DAB1: variants seen among roughly 807,000 people sequenced by gnomAD.
The protein encoded by DAB1 is disabled homolog 1.
Under a neutral mutation model 64.6 loss-of-function variants are expected in DAB1, and 15 were observed. That is an observed-to-expected ratio of 0.23 (90% CI 0.16 to 0.36). The LOEUF is 0.36. Ranked by LOEUF, DAB1 falls within the 10% of genes least tolerant of loss-of-function variation. The probability of loss-of-function intolerance (pLI) is 1.00; values close to 1 mark genes in which losing one functional copy is unlikely to be tolerated. For missense variants in DAB1, 596 were observed against 706.7 expected, an observed-to-expected ratio of 0.84 and a Z score of 1.78; for synonymous variants, 235 against 251.9, an observed-to-expected ratio of 0.93 and a Z score of 0.64.
At chr1:57,906,914 T>A (rs976618785) in intron 5 of DAB1, among the ~76,000 whole-genome samples, 1 of 150,956 alleles carries the variant, frequency 6.6e-6, no homozygotes. Context: ...CAGACACACA[T>A]ATAAAAATAA....
At chr1:57,202,472 G>A (rs1244337956) in intron 2 of DAB1, among the ~76,000 whole-genome samples, 1 of 152,144 alleles carries the variant, frequency 6.6e-6, no homozygotes, top group African/African-American at 2.4e-5. Context: ...CTGTAACTAA[G>A]ATCCGTTTAC....
chr1:57,670,205 T>C (rs1358879135), intron 6 of DAB1, among the ~76,000 whole-genome samples: 1 of 152,154 alleles, frequency 6.6e-6, no homozygotes, highest in Non-Finnish European at 1.5e-5. Context: ...ATCTATAATT[T>C]TGCAATAATG....
At chr1:57,985,120 C>T (rs190936399) in intron 5 of DAB1, among the ~76,000 whole-genome samples, 4 of 152,160 alleles carry the variant, frequency 2.6e-5, no homozygotes, top group African/African-American at 9.7e-5. Context: ...TTTGACCAGG[C>T]TGATCTCAAA....
chr1:57,569,074 C>T lies in DAB1; in HGVS notation n.625+80518G>A, dbSNP rs567747260. On this transcript the variant is annotated intron_variant and non_coding_transcript_variant, in intron 7 of 20. Coordinates refer to the DAB1 transcript ENST00000485760. ...GAGATCGAGACCATCCTGGCTAACA[C>T]GGTGAAACCCCGTCTCTACTAAAAA... Among the ~76,000 whole-genome samples the T allele has an allele frequency of 3.3e-4, 50 of 150,370 alleles. No individual in the cohort carries two copies. In the South Asian group the frequency reaches 5.1e-3, roughly 15 times the overall value.
At chr1:57,753,382 C>T (rs888699109) in intron 6 of DAB1, among the ~76,000 whole-genome samples, 1 of 152,132 alleles carries the variant, frequency 6.6e-6, no homozygotes, top group Non-Finnish European at 1.5e-5. Flanking sequence ...TGGCTGACCC[C>T]TCTGAGGAAG....
At chr1:58,090,455 C>G (rs370745800) in intron 5 of DAB1, among the ~76,000 whole-genome samples, 1 of 152,144 alleles carries the variant, frequency 6.6e-6, no homozygotes, top group African/African-American at 2.4e-5. Flanking sequence ...TATTTTTCTC[C>G]TCCGGGCCTA....
intron 6 of DAB1, among the ~76,000 whole-genome samples, chr1:57,733,374 G>T: frequency 6.6e-6 from 1 of 151,840 alleles, no homozygotes; most frequent in East Asian, 1.9e-4. Flanking sequence ...GGGATCTGTA[G>T]CTGTTTCATT....
chr1:57,996,030 G>A (rs777291219), intron 5 of DAB1, among the ~76,000 whole-genome samples: 1 of 152,064 alleles, frequency 6.6e-6, no homozygotes, highest in Non-Finnish European at 1.5e-5. Flanking sequence ...AGACCGAGGC[G>A]GGCGGATCAC....
intron 4 of DAB1, among the ~76,000 whole-genome samples, chr1:58,227,869 T>C (rs1180076746): frequency 6.6e-6 from 1 of 152,216 alleles, no homozygotes; most frequent in East Asian, 1.9e-4. Flanking sequence ...TTTCTGAGAT[T>C]TATTTCTGTT....
intron 3 of DAB1, among the ~76,000 whole-genome samples, chr1:58,471,944 C>A (rs558313467): frequency 5.8e-4 from 88 of 152,254 alleles, no homozygotes; most frequent in Non-Finnish European, 1.0e-3. Flanking sequence ...AATTCAAGAA[C>A]AGACTAATAC....
At chr1:58,282,745 T>A (rs1481939288) in intron 4 of DAB1, among the ~76,000 whole-genome samples, 1 of 152,160 alleles carries the variant, frequency 6.6e-6, no homozygotes, top group Non-Finnish European at 1.5e-5. Flanking sequence ...ATAAAAGACA[T>A]GCCATTCACT....
At chr1:58,518,223 G>GGGGAGAC (rs1557450011) in intron 2 of DAB1, among the ~76,000 whole-genome samples, 668 of 2,782 alleles carry the variant, frequency 0.24, 217 homozygotes, top group Non-Finnish European at 0.44. Context: ...AGAGGGGAGA[G>GGGGAGAC]GGGAGAGGGG....
Position 57,134,603 on chromosome 1 carries a change from T to C in DAB1, c.306+1940A>G, listed in dbSNP as rs370632710. Among the ~76,000 whole-genome samples, 8 of 147,754 alleles carry C rather than the reference T, an allele frequency of 5.4e-5. No individual in the cohort carries two copies. In the East Asian group the frequency reaches 7.9e-4, roughly 15 times the overall value. On this transcript the variant is annotated intron_variant, in intron 4 of 14. Transcript: ENST00000371236. ...AGTACCTAGCTGACAGAATAATTTGTACAACAAACCCTGTGACACAAGTTT... is the reference window on the plus strand; with the variant it reads ...AGTACCTAGCTGACAGAATAATTTGCACAACAAACCCTGTGACACAAGTTT...
intron 4 of DAB1, among the ~76,000 whole-genome samples, chr1:58,251,926 A>G (rs891100870): frequency 6.6e-6 from 1 of 152,184 alleles, no homozygotes; most frequent in Admixed American, 6.5e-5. Flanking sequence ...CCTGACCTCC[A>G]CAACCACAGC....
At chr1:57,410,592 C>T (rs1353413837) in intron 1 of DAB1, among the ~76,000 whole-genome samples, 2 of 152,182 alleles carry the variant, frequency 1.3e-5, no homozygotes, top group Non-Finnish European at 2.9e-5. Flanking sequence ...AGTCCAGTCC[C>T]CAAGTCCCCC....
At chr1:58,007,453 G>A (rs1349442895) in intron 5 of DAB1, among the ~76,000 whole-genome samples, 1 of 152,168 alleles carries the variant, frequency 6.6e-6, no homozygotes, top group African/African-American at 2.4e-5. Flanking sequence ...AACAGCCACA[G>A]ATGTAGACTT....
At chr1:57,990,081 C>T (rs1282256299) in intron 5 of DAB1, among the ~76,000 whole-genome samples, 2 of 152,096 alleles carry the variant, frequency 1.3e-5, no homozygotes, top group African/African-American at 2.4e-5. Context: ...CACTGAAAGA[C>T]TGCAGAGGGA....
intron 2 of DAB1, chr1:58,506,321 T>C (rs1206850994): frequency 1.6e-6 from 1 of 620,064 alleles, no homozygotes; most frequent in Admixed American, 2.8e-5. Flanking sequence ...AGTTTTAGGG[T>C]ACATGTGCAC....
intron 2 of DAB1, among the ~76,000 whole-genome samples, chr1:57,277,561 C>T (rs930035835): frequency 7.2e-5 from 11 of 152,140 alleles, no homozygotes; most frequent in African/African-American, 2.7e-4. Context: ...CATCAAGCTA[C>T]CTTTCATAAG....
Sources: gnomAD v4.1 joint callset for allele counts (sites outside exome capture counted in the v4.1 genomes callset) on GRCh38, gnomAD v4.1.1 for gene constraint, MANE v1.5 for transcripts, NCBI Gene and HGNC (gene_info 2026-07-23, HGNC 2026-07-21) for gene names.